Variants in ZNF423 observed in about 807,000 individuals in gnomAD.
ZNF423 encodes the protein Ebf-associated zinc finger protein.
In ZNF423, 12 loss-of-function variants were observed where a neutral mutation model predicts 95.8. The observed-to-expected ratio is 0.13, with a 90% CI of 0.08 to 0.20. The LOEUF is 0.20. ZNF423 is among the 10% of genes least tolerant of loss of function. The probability of loss-of-function intolerance (pLI) is 1.00; values close to 1 mark genes in which losing one functional copy is unlikely to be tolerated. For synonymous variants in ZNF423, 749 were observed against 711.9 expected, an observed-to-expected ratio of 1.05 and a Z score of -0.83; for missense variants, 1,316 against 1,737.1, an observed-to-expected ratio of 0.76 and a Z score of 4.31.
intron 2 of ZNF423, among the ~76,000 whole-genome samples, chr16:49,761,677 T>G (rs953344207): frequency 1.3e-5 from 2 of 152,132 alleles, no homozygotes; most frequent in Non-Finnish European, 2.9e-5. Flanking sequence ...GCTGAGAAAA[T>G]GGCAACTCCT....
intron 2 of ZNF423, among the ~76,000 whole-genome samples, chr16:49,746,825 C>G (rs1271284369): frequency 6.6e-6 from 1 of 152,140 alleles, no homozygotes; most frequent in Non-Finnish European, 1.5e-5. Flanking sequence ...GAACTACTTC[C>G]TCCTAACAGC....
chr16:49,533,557 G>A (rs558907325), intron 5 of ZNF423, among the ~76,000 whole-genome samples: 1 of 152,356 alleles, frequency 6.6e-6, no homozygotes, highest in East Asian at 1.9e-4. Context: ...TTAGCTAGGG[G>A]TCAGTTAAGC....
chr16:49,783,760 A>C (rs2034260035), intron 2 of ZNF423, among the ~76,000 whole-genome samples: 1 of 152,066 alleles, frequency 6.6e-6, no homozygotes, highest in African/African-American at 2.4e-5. Flanking sequence ...TCACAAGGTC[A>C]GGAGATCGAG....
chr16:49,679,826 C>T (rs1378287666), intron 3 of ZNF423, among the ~76,000 whole-genome samples: 1 of 152,220 alleles, frequency 6.6e-6, no homozygotes, highest in Non-Finnish European at 1.5e-5. Context: ...AGTCCCAGCC[C>T]AGAGTGAGAA....
chr16:49,652,848 T>C (rs977169210), intron 3 of ZNF423, among the ~76,000 whole-genome samples: 2 of 152,182 alleles, frequency 1.3e-5, no homozygotes, highest in African/African-American at 4.8e-5. Flanking sequence ...TCTGTTAGCA[T>C]CTGCCTCTCC....
chr16:49,732,611 A>G (rs1346888314), intron 2 of ZNF423, among the ~76,000 whole-genome samples: 1 of 152,262 alleles, frequency 6.6e-6, no homozygotes, highest in Admixed American at 6.5e-5. Flanking sequence ...GTTACAGGAA[A>G]AGGCTCAGTG....
chr16:49,553,570 T>C (rs1969717351), intron 5 of ZNF423, among the ~76,000 whole-genome samples: 1 of 152,096 alleles, frequency 6.6e-6, no homozygotes, highest in Non-Finnish European at 1.5e-5. Flanking sequence ...TGGTCTCAAA[T>C]GCCTAGGCTC....
intron 3 of ZNF423, among the ~76,000 whole-genome samples, chr16:49,661,782 T>C (rs190769974): frequency 6.2e-4 from 95 of 152,324 alleles, no homozygotes; most frequent in African/African-American, 2.2e-3. Context: ...ATCAGGATCA[T>C]GTCCAGGAAG....
At chr16:49,588,236 G>C (rs1970902457) in intron 5 of ZNF423, among the ~76,000 whole-genome samples, 1 of 152,182 alleles carries the variant, frequency 6.6e-6, no homozygotes, top group Non-Finnish European at 1.5e-5. Flanking sequence ...GTCAACTCCT[G>C]AACCAACAGG....
At chr16:49,644,526 G>A (rs957026251) in intron 3 of ZNF423, among the ~76,000 whole-genome samples, 2 of 151,116 alleles carry the variant, frequency 1.3e-5, no homozygotes, top group Non-Finnish European at 2.9e-5. Flanking sequence ...ACACAGGCAT[G>A]GTGATGTGTA....
chr16:49,522,980 T>C (rs951904550), intron 7 of ZNF423, among the ~76,000 whole-genome samples: 4 of 152,146 alleles, frequency 2.6e-5, no homozygotes, highest in African/African-American at 4.8e-5. Context: ...TGGGGCCCCA[T>C]GGGATTCCAA....
At chr16:49,846,596 T>A (rs1321365294) in intron 1 of ZNF423, among the ~76,000 whole-genome samples, 1 of 152,172 alleles carries the variant, frequency 6.6e-6, no homozygotes, top group African/African-American at 2.4e-5. Context: ...TGAGAACCCG[T>A]GCACTGCTTG....
chr16:49,813,441 C>G (rs1597032855), intron 1 of ZNF423, among the ~76,000 whole-genome samples: 1 of 152,188 alleles, frequency 6.6e-6, no homozygotes, highest in African/African-American at 2.4e-5. Flanking sequence ...CCTGAGGAAC[C>G]GCCCCTAACC....
chr16:49,639,163 C>T (rs547967981), intron 3 of ZNF423, among the ~76,000 whole-genome samples: 4 of 152,178 alleles, frequency 2.6e-5, no homozygotes, highest in African/African-American at 4.8e-5. Context: ...GGGAGGCTCT[C>T]GGCCACTTTC....
At chr16:49,672,035 C>T (rs1207736360) in intron 3 of ZNF423, among the ~76,000 whole-genome samples, 3 of 152,164 alleles carry the variant, frequency 2.0e-5, no homozygotes, top group Non-Finnish European at 4.4e-5. Context: ...CCCAAACCGT[C>T]AGATGTGGTC....
chr16:49,635,535 T>G lies in ZNF423; in HGVS notation c.3516+125A>C, dbSNP rs1000362188. On this transcript the variant is annotated intron_variant, in intron 4 of 7. Transcript: ENST00000563137. The surrounding 1 kb of genome is among the most constrained non-coding windows in gnomAD (Gnocchi z 4.8). ...CAAGGAGTCTACAGCACAGCAGTTC[T>G]GTTTTGCCACTGCGCGATAGCGCCG... 3.1e-6 allele frequency: 4 copies of G among 1,274,890 alleles called. No individual in the cohort carries two copies. The highest frequency in any genetic ancestry group is 3.1e-6 in the Non-Finnish European group (3 of 953,170). The allele number at this position is 1,274,890 out of a possible 1,614,324, so 79.0% of individuals were successfully genotyped here.
chr16:49,660,413 A>T (rs997487664), intron 3 of ZNF423, among the ~76,000 whole-genome samples: 1 of 152,154 alleles, frequency 6.6e-6, no homozygotes, highest in African/African-American at 2.4e-5. Flanking sequence ...TGAATGAATG[A>T]ATGAATAGTC....
At chr16:49,703,624 G>C (rs2032261240) in intron 3 of ZNF423, among the ~76,000 whole-genome samples, 1 of 152,254 alleles carries the variant, frequency 6.6e-6, no homozygotes, top group African/African-American at 2.4e-5. Flanking sequence ...AGACTTCTAG[G>C]GACAAAGGCT....
chr16:49,650,166 A>G (rs537414684), intron 3 of ZNF423, among the ~76,000 whole-genome samples: 5 of 152,346 alleles, frequency 3.3e-5, no homozygotes, highest in Non-Finnish European at 5.9e-5. Context: ...AAGGCCCTTA[A>G]CAAAACTTCC....
Sources: allele counts gnomAD v4.1 joint callset (sites outside exome capture counted in the v4.1 genomes callset), GRCh38; gene constraint gnomAD v4.1.1; non-coding constraint Gnocchi (gnomAD v3.1); transcripts MANE v1.5; gene names NCBI Gene and HGNC (gene_info 2026-07-23, HGNC 2026-07-21).